TRIM71: variants seen among roughly 807,000 people sequenced by gnomAD.
TRIM71 encodes tripartite motif containing 71, also known as E3 ubiquitin-protein ligase TRIM71.
In TRIM71, 9 loss-of-function variants were observed where a neutral mutation model predicts 61.2. That is an observed-to-expected ratio of 0.15 (90% CI 0.09 to 0.26). The LOEUF is 0.26. Ranked by LOEUF, TRIM71 falls within the 10% of genes least tolerant of loss-of-function variation. TRIM71 has a pLI of 1.00. For missense variants in TRIM71, 998 were observed against 1,238.7 expected (o/e 0.81, Z 2.92); for synonymous variants, 645 against 553.2 (o/e 1.17, Z -2.33).
chr3:32,839,661 T>TTG (rs1559540123), intron 1 of TRIM71, among the ~76,000 whole-genome samples: 1 of 78,582 alleles, frequency 1.3e-5, no homozygotes. Flanking sequence ...GAGCTTTTTT[T>TTG]GGGGGGGGGG....
intron 1 of TRIM71, among the ~76,000 whole-genome samples, chr3:32,845,026 A>G (rs1032224136): frequency 5.3e-5 from 8 of 152,212 alleles, no homozygotes; most frequent in African/African-American, 1.9e-4. Flanking sequence ...AAGGACAGCT[A>G]GAACTAGGTG....
intron 1 of TRIM71, among the ~76,000 whole-genome samples, chr3:32,851,155 A>G (rs552426420): frequency 4.6e-5 from 7 of 152,178 alleles, no homozygotes; most frequent in Non-Finnish European, 7.4e-5. Flanking sequence ...GCTGTGGGGA[A>G]AAAAGTTTGT....
At chr3:32,880,385 A>G (rs572931701) in intron 2 of TRIM71, among the ~76,000 whole-genome samples, 2 of 152,186 alleles carry the variant, frequency 1.3e-5, no homozygotes, top group Non-Finnish European at 2.9e-5. Context: ...CTAATAAATC[A>G]TTTCCAGATG....
Position 32,856,306 on chromosome 3 carries a change from C to T in TRIM71, c.853-17512C>T, listed in dbSNP as rs1400080464. Reference sequence around the variant, plus strand: ...TGCTGGGATTACAGGCGTGAGCCACCGCACCTGGCCCTCTAATAGTTTTCT... The same window carrying T: ...TGCTGGGATTACAGGCGTGAGCCACTGCACCTGGCCCTCTAATAGTTTTCT... On this transcript the variant is annotated intron_variant, in intron 1 of 3. Transcript: ENST00000383763. Among the ~76,000 whole-genome samples the T allele has an allele frequency of 5.9e-5, 9 of 152,104 alleles. No individual in the cohort carries two copies. In the South Asian group the frequency reaches 1.9e-3, roughly 32 times the overall value.
chr3:32,820,378 C>T (rs1388816635), intron 1 of TRIM71, among the ~76,000 whole-genome samples: 1 of 152,192 alleles, frequency 6.6e-6, no homozygotes, highest in Non-Finnish European at 1.5e-5. Context: ...TAAAAGGTTT[C>T]TTCTAGGTAA....
intron 1 of TRIM71, among the ~76,000 whole-genome samples, chr3:32,842,798 A>G (rs962828722): frequency 1.3e-5 from 2 of 151,934 alleles, no homozygotes; most frequent in Admixed American, 6.6e-5. Flanking sequence ...CTGTTCTGCA[A>G]TTTGGTACAT....
intron 1 of TRIM71, among the ~76,000 whole-genome samples, chr3:32,870,644 A>G (rs1311271271): frequency 6.6e-6 from 1 of 152,148 alleles, no homozygotes; most frequent in Non-Finnish European, 1.5e-5. Context: ...CTGCATCTGC[A>G]GAATCTTTTA....
chr3:32,859,306 G>C (rs535388405), intron 1 of TRIM71, among the ~76,000 whole-genome samples: 7 of 152,106 alleles, frequency 4.6e-5, no homozygotes, highest in Non-Finnish European at 7.4e-5. Context: ...TATTGCCTGG[G>C]TGGAGTGCAG....
At chr3:32,848,459 G>A (rs949972281) in intron 1 of TRIM71, among the ~76,000 whole-genome samples, 1 of 152,178 alleles carries the variant, frequency 6.6e-6, no homozygotes, top group Non-Finnish European at 1.5e-5. Context: ...AGGGGTGGGG[G>A]CCTGAATCAT....
intron 1 of TRIM71, among the ~76,000 whole-genome samples, chr3:32,828,596 C>T (rs370516736): frequency 6.7e-6 from 1 of 148,392 alleles, no homozygotes; most frequent in East Asian, 2.0e-4. Context: ...CTGTCTCAAC[C>T]TTCCCGGCTC....
chr3:32,860,753 G>C (rs1333837951), intron 1 of TRIM71, among the ~76,000 whole-genome samples: 1 of 152,052 alleles, frequency 6.6e-6, no homozygotes, highest in Non-Finnish European at 1.5e-5. Context: ...AAAGCAGGCT[G>C]CCTGGCCTGG....
At chr3:32,889,214 G>A (rs1696995671) in intron 3 of TRIM71, among the ~76,000 whole-genome samples, 1 of 152,194 alleles carries the variant, frequency 6.6e-6, no homozygotes, top group African/African-American at 2.4e-5. Context: ...CTGGCAAAGT[G>A]TAGGTGCTCA....
chr3:32,822,777 A>G (rs752812387), intron 1 of TRIM71, among the ~76,000 whole-genome samples: 9 of 152,176 alleles, frequency 5.9e-5, no homozygotes, highest in Admixed American at 3.3e-4. Context: ...AGGGTGTGAA[A>G]TGTAGGTATA....
intron 1 of TRIM71, among the ~76,000 whole-genome samples, chr3:32,848,938 C>A (rs186678960): frequency 1.8e-4 from 28 of 152,262 alleles, no homozygotes; most frequent in African/African-American, 4.8e-4. Flanking sequence ...CACCCCTATT[C>A]AATGAGTTCC....
At chr3:32,862,946 G>A (rs950612511) in intron 1 of TRIM71, among the ~76,000 whole-genome samples, 3 of 152,206 alleles carry the variant, frequency 2.0e-5, no homozygotes, top group East Asian at 1.9e-4. Flanking sequence ...AATATTTATA[G>A]TAGAGGGCAG....
intron 1 of TRIM71, among the ~76,000 whole-genome samples, chr3:32,826,853 C>G (rs969968273): frequency 6.6e-6 from 1 of 152,044 alleles, no homozygotes; most frequent in Non-Finnish European, 1.5e-5. Context: ...AGCTCTGCCT[C>G]CTGGGTTCAC....
At chr3:32,829,432 C>T (rs1696240760) in intron 1 of TRIM71, among the ~76,000 whole-genome samples, 1 of 152,048 alleles carries the variant, frequency 6.6e-6, no homozygotes, top group Non-Finnish European at 1.5e-5. Flanking sequence ...ATCTGCCTGT[C>T]TCCCAAAGTG....
In TRIM71 at chr3:32,829,650, GTT is replaced by G. The variant is rs1559537687; in HGVS notation, c.852+10720_852+10721del. On this transcript the variant is annotated intron_variant, in intron 1 of 3. Coordinates refer to ENST00000383763, the MANE Select transcript of TRIM71 (RefSeq NM_001039111.3). ...ATTGTGTGTGTGTGTGTGTGTGTGT[GTT>G]TGTGTGTGCGTGTGTGTGCATTGGA... Among the ~76,000 whole-genome samples the G allele has an allele frequency of 8.6e-5, 13 of 151,192 alleles. No homozygotes were observed. In the South Asian group the frequency reaches 2.5e-3, roughly 29 times the overall value.
chr3:32,878,217 CAG>C (rs1404535299), intron 2 of TRIM71, among the ~76,000 whole-genome samples: 4 of 152,206 alleles, frequency 2.6e-5, no homozygotes, highest in Non-Finnish European at 4.4e-5. Context: ...GCATCTCTAG[CAG>C]AGTCTTCTGG....
Sources: allele counts gnomAD v4.1 joint callset (sites outside exome capture counted in the v4.1 genomes callset), GRCh38; gene constraint gnomAD v4.1.1; transcripts MANE v1.5; gene names NCBI Gene and HGNC (gene_info 2026-07-23, HGNC 2026-07-21).